ZFHX4: variants seen among roughly 807,000 people sequenced by gnomAD.
ZFHX4 encodes zinc finger homeobox 4.
In ZFHX4, 56 loss-of-function variants were observed where a neutral mutation model predicts 267.6. That is an observed-to-expected ratio of 0.21 (90% CI 0.17 to 0.26). The LOEUF (loss-of-function observed/expected upper bound fraction) is 0.26. Ranked by LOEUF, ZFHX4 falls within the 10% of genes least tolerant of loss-of-function variation. The pLI is 1.00. For synonymous variants in ZFHX4, 1,778 were observed against 1,665.6 expected (o/e 1.07, Z -1.64); for missense variants, 4,332 against 4,420.0 (o/e 0.98, Z 0.56).
intron 4 of ZFHX4, among the ~76,000 whole-genome samples, chr8:76,792,438 G>A (rs1810862277): frequency 6.6e-6 from 1 of 152,092 alleles, no homozygotes; most frequent in South Asian, 2.1e-4. Flanking sequence ...AAAAGAAAAT[G>A]ACTCCAGAAT....
In ZFHX4 at chr8:76,855,591, T is replaced by A; in HGVS notation, c.8670T>A (p.Asp2890Glu). 6.2e-7 allele frequency: 1 copy of A among 1,613,848 alleles called. No individual in the cohort carries two copies. Among genetic ancestry groups the A allele is most frequent in the East Asian group, 2.2e-5 (1 of 44,842 alleles). Reference sequence around the variant, plus strand: ...ACGACCAAAGCTTTTACATCACAGATGACCCGGATGACAACGCCGACCGCA... The same window carrying A: ...ACGACCAAAGCTTTTACATCACAGAAGACCCGGATGACAACGCCGACCGCA... ...GDHDQSFYIT[D>E]DPDDNADRSE... is the part of the protein sequence containing the mutation. The change falls in exon 10 of 11, where the codon GAT (aspartate) becomes GAA (glutamate). Residue 2890 changes from aspartate to glutamate, a missense_variant. Asp to Glu is a conservative substitution (Grantham distance 45, BLOSUM62 2). Around this residue, in one of 7 missense-constraint regions of ZFHX4, gnomAD observed 1,648 missense variants for 1,625.0 expected, o/e 1.01. Transcript: ENST00000651372.
chr8:76,728,034 G>A lies in ZFHX4; in HGVS notation c.3093+19986G>A, dbSNP rs1417917153. On this transcript the variant is annotated intron_variant, in intron 3 of 10. Transcript: ENST00000651372. Reference sequence around the variant, plus strand: ...CTCTATCAGTAAAAGCAACAAATAAGCAGAAACCTATTACATTCTGAGCCA... The same window carrying A: ...CTCTATCAGTAAAAGCAACAAATAAACAGAAACCTATTACATTCTGAGCCA... 5.3e-5 allele frequency among the ~76,000 whole-genome samples: 8 copies of A among 152,044 alleles called. No homozygotes were observed. The South Asian group carries it at 8.3e-4, about 16-fold the overall frequency.
chr8:76,705,470 C>G lies in ZFHX4; in HGVS notation c.1382C>G (p.Pro461Arg), dbSNP rs754075368. 26 of 1,613,566 alleles carry G rather than the reference C, an allele frequency of 1.6e-5. No individual in the cohort carries two copies. Among genetic ancestry groups the G allele is most frequent in the Non-Finnish European group, 2.2e-5 (26 of 1,179,816 alleles). The change falls in exon 2 of 11, where the codon CCT becomes CGT. Residue 461 changes from proline to arginine, a missense_variant. Physicochemically the swap from Pro to Arg is moderately radical, Grantham distance 103 (BLOSUM62 -2). Around this residue, in one of 7 missense-constraint regions of ZFHX4, gnomAD observed 1,195 missense variants for 1,173.6 expected, o/e 1.02. Coordinates refer to ENST00000651372, the MANE Select transcript of ZFHX4 (RefSeq NM_024721.5). Reference sequence around the variant, plus strand: ...GTTTTACACCCAAACGGGGAGTGCCCTGTCAAAAGTGAACCCACTGAACCG... The same window carrying G: ...GTTTTACACCCAAACGGGGAGTGCCGTGTCAAAAGTGAACCCACTGAACCG... ...SNVLHPNGEC[P>R]VKSEPTEPGD... is the part of the protein sequence containing the mutation.
At chr8:76,728,450 C>T (rs1808912776) in intron 3 of ZFHX4, among the ~76,000 whole-genome samples, 1 of 152,102 alleles carries the variant, frequency 6.6e-6, no homozygotes, top group African/African-American at 2.4e-5. Flanking sequence ...TTTCTCTTTC[C>T]CCTCTGGGGG....
chr8:76,683,703 G>GTT (rs1290443410), intron 1 of ZFHX4: 7 of 141,808 alleles, frequency 4.9e-5, no homozygotes, highest in East Asian at 2.1e-4. Flanking sequence ...ACAGAGGAGG[G>GTT]TTTTTTTTTT....
chr8:76,734,376 A>G (rs149511483), intron 3 of ZFHX4, among the ~76,000 whole-genome samples: 1,529 of 152,298 alleles, frequency 0.01, 10 homozygotes, highest in Middle Eastern at 0.044. Flanking sequence ...GTTGTTCATT[A>G]AAAGTAATTC....
chr8:76,852,630 G>T lies in ZFHX4; in HGVS notation c.5709G>T (p.Gly1903=). 6.2e-7 allele frequency: 1 copy of T among 1,613,064 alleles called. No homozygotes were observed. The highest frequency in any genetic ancestry group is 2.2e-5 in the East Asian group (1 of 44,772). The stretch of plus-strand genomic sequence containing the variant: ...TCCCACCACCCCGAATAGCTTCAGG[G>T]GCCAGAGGAAATGCTGCCAAAGCGT... ...PSIPPPRIAS[G]ARGNAAKALL... The change falls in exon 10 of 11, where the codon GGG becomes GGT. Residue 1903 remains glycine, a synonymous_variant. Transcript: ENST00000651372.
chr8:76,718,114 A>C (rs1415724751), intron 3 of ZFHX4, among the ~76,000 whole-genome samples: 1 of 152,212 alleles, frequency 6.6e-6, no homozygotes, highest in Middle Eastern at 3.2e-3. Context: ...CTCAACATAC[A>C]TTCAGCACTT....
chr8:76,799,452 G>A lies in ZFHX4; in HGVS notation c.3325+21013G>A, dbSNP rs184455605. Reference sequence around the variant, plus strand: ...AGGATTTTCACCAAGCCTTCAAGACGAATAAACACAACTGGAAGGCAGGTT... The same window carrying A: ...AGGATTTTCACCAAGCCTTCAAGACAAATAAACACAACTGGAAGGCAGGTT... On this transcript the variant is annotated intron_variant, in intron 4 of 10. Coordinates refer to ENST00000651372, the MANE Select transcript of ZFHX4 (RefSeq NM_024721.5). 1.1e-4 allele frequency among the ~76,000 whole-genome samples: 17 copies of A among 152,236 alleles called. No individual in the cohort carries two copies. In the East Asian group the frequency reaches 2.7e-3, roughly 24 times the overall value.
chr8:76,734,269 GA>G (rs1809099614), intron 3 of ZFHX4, among the ~76,000 whole-genome samples: 1 of 152,126 alleles, frequency 6.6e-6, no homozygotes, highest in African/African-American at 2.4e-5. Context: ...CTGCCATTTT[GA>G]ATGGGAATTA....
intron 3 of ZFHX4, among the ~76,000 whole-genome samples, chr8:76,710,144 G>A (rs1021835499): frequency 6.6e-6 from 1 of 151,912 alleles, no homozygotes; most frequent in Admixed American, 6.6e-5. Flanking sequence ...GTTTAAATAT[G>A]GTCAGCAAAT....
chr8:76,744,798 T>G lies in ZFHX4; in HGVS notation c.3094-33410T>G, dbSNP rs570287733. 2.0e-5 allele frequency among the ~76,000 whole-genome samples: 3 copies of G among 152,324 alleles called. No individual in the cohort carries two copies. In the South Asian group the frequency reaches 6.2e-4, roughly 32 times the overall value. On this transcript the variant is annotated intron_variant, in intron 3 of 10. Coordinates refer to ENST00000651372, the MANE Select transcript of ZFHX4 (RefSeq NM_024721.5). ...AAATGAAATTATTTACTTACAAGTA[T>G]GTAGTCATCCTGATGAGGTATGTAC...
intron 1 of ZFHX4, among the ~76,000 whole-genome samples, chr8:76,688,474 G>A (rs1014282384): frequency 2.6e-5 from 4 of 152,042 alleles, no homozygotes; most frequent in African/African-American, 9.7e-5. Context: ...TTGCTTTGTA[G>A]GTGTATTGTG....
chr8:76,716,521 C>T (rs2131631307), intron 3 of ZFHX4, among the ~76,000 whole-genome samples: 1 of 152,226 alleles, frequency 6.6e-6, no homozygotes, highest in South Asian at 2.1e-4. Flanking sequence ...CTAACCTTGG[C>T]CTCTTTTCAG....
chr8:76,837,577 G>T (rs1812125178), intron 5 of ZFHX4, among the ~76,000 whole-genome samples: 1 of 151,566 alleles, frequency 6.6e-6, no homozygotes, highest in Non-Finnish European at 1.5e-5. Context: ...TAGGGGCTGG[G>T]GTAGCATGTG....
intron 3 of ZFHX4, among the ~76,000 whole-genome samples, chr8:76,767,759 A>T (rs1810089536): frequency 6.6e-6 from 1 of 152,180 alleles, no homozygotes; most frequent in South Asian, 2.1e-4. Context: ...GTTCCTCCTA[A>T]ATATAGTATG....
intron 4 of ZFHX4, among the ~76,000 whole-genome samples, chr8:76,785,399 TG>T (rs1334203341): frequency 6.6e-6 from 1 of 152,148 alleles, no homozygotes; most frequent in African/African-American, 2.4e-5. Context: ...GTGAAAACAG[TG>T]GTAAAATTTT....
chr8:76,793,552 A>G (rs191406736), intron 4 of ZFHX4, among the ~76,000 whole-genome samples: 18 of 152,320 alleles, frequency 1.2e-4, no homozygotes, highest in African/African-American at 4.3e-4. Context: ...GCCCTTCCAT[A>G]ATTCCAGCAG....
intron 3 of ZFHX4, among the ~76,000 whole-genome samples, chr8:76,754,529 T>C (rs1267979520): frequency 6.6e-6 from 1 of 152,092 alleles, no homozygotes; most frequent in Non-Finnish European, 1.5e-5. Flanking sequence ...TTACACAGCA[T>C]ACATTTTTTG....
Sources: allele counts gnomAD v4.1 joint callset (sites outside exome capture counted in the v4.1 genomes callset), GRCh38; gene constraint gnomAD v4.1.1; regional missense constraint gnomAD v4.1.1; transcripts MANE v1.5; gene names NCBI Gene and HGNC (gene_info 2026-07-23, HGNC 2026-07-21).